CDC42BPB: variants seen among roughly 807,000 people sequenced by gnomAD.
The protein encoded by CDC42BPB is serine/threonine-protein kinase MRCK beta.
CDC42BPB carries 37 observed loss-of-function variants against 214.9 expected under a neutral mutation model. The ratio of observed to expected loss-of-function variants is 0.17; its 90% CI spans 0.13 to 0.23. The LOEUF (loss-of-function observed/expected upper bound fraction) is 0.23, where lower values mean the gene tolerates loss of function less well. CDC42BPB is among the 10% of genes least tolerant of loss of function. CDC42BPB has a pLI of 1.00. For missense variants in CDC42BPB, 1,694 were observed against 2,227.0 expected (o/e 0.76, Z 4.82); for synonymous variants, 931 against 884.0 (o/e 1.05, Z -0.94).
At chr14:103,033,771 T>C (rs972284085) in intron 1 of CDC42BPB, among the ~76,000 whole-genome samples, 3 of 152,102 alleles carry the variant, frequency 2.0e-5, no homozygotes, top group Non-Finnish European at 4.4e-5. Flanking sequence ...TTCTGAAAAA[T>C]TAGTTTCCTT....
At chr14:102,961,709 A>AT (rs1365858773) in intron 20 of CDC42BPB, among the ~76,000 whole-genome samples, 1 of 152,094 alleles carries the variant, frequency 6.6e-6, no homozygotes, top group African/African-American at 2.4e-5. Flanking sequence ...ACGCCCAGCT[A>AT]ATTTTGTATT....
chr14:103,055,676 G>A (rs926306663), intron 1 of CDC42BPB, among the ~76,000 whole-genome samples: 1 of 152,216 alleles, frequency 6.6e-6, no homozygotes, highest in South Asian at 2.1e-4. Flanking sequence ...ACAAGATACC[G>A]TGTAACATTT....
chr14:102,967,061 G>A lies in CDC42BPB; in HGVS notation c.2456C>T (p.Ala819Val), dbSNP rs377033153. ...GCGCACGTACCACTGAATGATTTCC[G>A]CAATCTGAGCTTCCCAGTGGGCCAC... is the stretch of plus-strand genomic sequence containing the variant. Reference protein sequence around the residue: ...ESVAHWEAQIAEIIQWVSDEK... With the variant: ...ESVAHWEAQIVEIIQWVSDEK... The change falls in exon 17 of 37, where the codon GCG becomes GTG. Residue 819 changes from alanine (A) to valine (V), a missense_variant. Ala to Val is a moderately conservative substitution (Grantham distance 64). This residue lies in a region of CDC42BPB where 462 missense variants were observed against 513.5 expected (regional missense o/e 0.90). Coordinates refer to ENST00000361246, the MANE Select transcript of CDC42BPB (RefSeq NM_006035.4). The A allele has an allele frequency of 5.0e-6, 8 of 1,614,030 alleles. No homozygotes were observed. The highest frequency in any genetic ancestry group is 2.2e-5 in the South Asian group (2 of 91,076).
chr14:103,015,906 C>T (rs1476440837), intron 1 of CDC42BPB, among the ~76,000 whole-genome samples: 6 of 151,348 alleles, frequency 4.0e-5, no homozygotes, highest in Non-Finnish European at 8.8e-5. Flanking sequence ...TTAGTAGAGA[C>T]AGGGTTTCAC....
intron 29 of CDC42BPB, chr14:102,945,340 T>C: frequency 2.1e-6 from 1 of 484,042 alleles, no homozygotes; most frequent in Admixed American, 2.4e-5. Flanking sequence ...AGTGTCAAAA[T>C]TGGAAGCAAA....
At chr14:103,010,903 A>G (rs1343502957) in intron 2 of CDC42BPB, among the ~76,000 whole-genome samples, 3 of 152,090 alleles carry the variant, frequency 2.0e-5, no homozygotes, top group Non-Finnish European at 4.4e-5. Context: ...GGTGGCGGGC[A>G]CCTGTGGTCC....
intron 2 of CDC42BPB, among the ~76,000 whole-genome samples, chr14:103,009,069 CACCCTACGT>C (rs1886005784): frequency 6.6e-6 from 1 of 152,226 alleles, no homozygotes; most frequent in Non-Finnish European, 1.5e-5. Flanking sequence ...TGGTGCATTC[CACCCTACGT>C]AAGTCACTCA....
chr14:102,938,160 T>C lies in CDC42BPB; in HGVS notation c.4948A>G (p.Ser1650Gly), dbSNP rs763037239. 3.7e-6 allele frequency: 6 copies of C among 1,613,690 alleles called. No homozygotes were observed. The South Asian group carries it at 4.4e-5, about 12-fold the overall frequency. The change falls in exon 36 of 37, where the codon AGC becomes GGC. Residue 1650 changes from serine (S) to glycine (G), a missense_variant. Physicochemically the swap from Ser to Gly is moderately conservative, Grantham distance 56. Coordinates refer to ENST00000361246, the MANE Select transcript of CDC42BPB (RefSeq NM_006035.4). ...ATACTTCTCAGAGGCACAGTCACGC[T>C]AGGCTCCGATCCACCTACAGAACAA... ...SWPSSGGSEP[S>G]VTVPLRSMSD...
chr14:103,048,865 C>A (rs1208737063), intron 1 of CDC42BPB, among the ~76,000 whole-genome samples: 2 of 151,522 alleles, frequency 1.3e-5, no homozygotes, highest in Non-Finnish European at 2.9e-5. Context: ...CAGAATGAGC[C>A]TCCATCTCCA....
chr14:102,993,955 G>A (rs1354998240), intron 5 of CDC42BPB, among the ~76,000 whole-genome samples: 2 of 152,182 alleles, frequency 1.3e-5, no homozygotes, highest in African/African-American at 4.8e-5. Context: ...GGAAGGCAGG[G>A]CAATTCAGAG....
chr14:102,970,882 C>T (rs938201643), intron 13 of CDC42BPB, among the ~76,000 whole-genome samples: 9 of 152,136 alleles, frequency 5.9e-5, no homozygotes, highest in Admixed American at 1.3e-4. Context: ...AACAAAGAGC[C>T]CTGAACTTGA....
intron 8 of CDC42BPB, 97 bp from the exon 9 acceptor site, chr14:102,978,302 G>A: frequency 1.3e-6 from 2 of 1,563,952 alleles, no homozygotes; most frequent in Non-Finnish European, 1.7e-6. Context: ...GGAGGCACTG[G>A]GCAGAACATG....
chr14:102,938,565 A>G, intron 34 of CDC42BPB, 154 bp from the exon 35 acceptor site: 1 of 985,398 alleles, frequency 1.0e-6, no homozygotes. Context: ...GGTTCTGGAC[A>G]GTCTGGAACT....
At position 102,934,793 on chromosome 14, in the gene CDC42BPB, T is replaced by C. The variant is rs759963500; in HGVS notation, c.5005-950A>G. On this transcript the variant is annotated intron_variant, in intron 36 of 36. Transcript: ENST00000361246. Reference sequence around the variant, plus strand: ...TTGGGAGGCCAAGGTGGGCAGATCATGAGGTCAGGAGATTGAGACCATCCT... The same window carrying C: ...TTGGGAGGCCAAGGTGGGCAGATCACGAGGTCAGGAGATTGAGACCATCCT... Among the ~76,000 whole-genome samples the C allele has an allele frequency of 5.2e-4, 79 of 151,828 alleles. 1 individual carries two copies. The highest frequency in any genetic ancestry group is 8.3e-4 in the South Asian group (4 of 4,798).
At chr14:102,976,510 G>C (rs1029053654) in intron 9 of CDC42BPB, among the ~76,000 whole-genome samples, 5 of 152,202 alleles carry the variant, frequency 3.3e-5, no homozygotes, top group African/African-American at 1.2e-4. Flanking sequence ...TTCTAGCACT[G>C]ACCAGCACAC....
intron 28 of CDC42BPB, 116 bp from the exon 29 acceptor site, chr14:102,945,840 T>C (rs1379367276): frequency 2.4e-6 from 2 of 839,712 alleles, no homozygotes; most frequent in South Asian, 1.4e-5. Flanking sequence ...TGGATGAGAA[T>C]ACAGCATTCC....
intron 24 of CDC42BPB, 133 bp downstream of exon 24, chr14:102,952,365 T>C: frequency 4.8e-6 from 3 of 620,048 alleles, no homozygotes; most frequent in Non-Finnish European, 2.9e-6. Context: ...AACCCTGTCC[T>C]CAAATCATGC....
chr14:103,053,480 G>C (rs138639927), intron 1 of CDC42BPB, among the ~76,000 whole-genome samples: 1 of 151,944 alleles, frequency 6.6e-6, no homozygotes, highest in African/African-American at 2.4e-5. Context: ...GAAATGACTC[G>C]GCCAGGCACG....
intron 4 of CDC42BPB, among the ~76,000 whole-genome samples, chr14:103,000,340 A>T (rs1894921838): frequency 1.3e-5 from 2 of 152,162 alleles, no homozygotes; most frequent in South Asian, 4.1e-4. Flanking sequence ...GTGTGCTGGG[A>T]GTGGGCGACC....
Sources: allele counts gnomAD v4.1 joint callset (sites outside exome capture counted in the v4.1 genomes callset), GRCh38; gene constraint gnomAD v4.1.1; regional missense constraint gnomAD v4.1.1; transcripts MANE v1.5; gene names NCBI Gene and HGNC (gene_info 2026-07-23, HGNC 2026-07-21).